Variants in CDK13 observed in about 807,000 individuals in gnomAD.
The protein encoded by CDK13 is cyclin-dependent kinase 13.
A neutral mutation model predicts 137.6 loss-of-function variants in CDK13; 40 were observed. The ratio of observed to expected loss-of-function variants is 0.29; its 90% confidence interval spans 0.23 to 0.38. The LOEUF (loss-of-function observed/expected upper bound fraction) is 0.38, where lower values mean the gene tolerates loss of function less well. Among genes scored for constraint, CDK13 ranks in the 10% least tolerant of loss-of-function variants. The pLI, the probability that CDK13 is intolerant of heterozygous loss-of-function variation, is 1.00. For missense variants in CDK13, 1,704 were observed against 1,951.8 expected (o/e 0.87, Z 2.39); for synonymous variants, 869 against 760.1 (o/e 1.14, Z -2.36).
intron 1 of CDK13, among the ~76,000 whole-genome samples, chr7:39,965,284 C>T (rs1438952483): frequency 2.0e-5 from 3 of 152,120 alleles, no homozygotes; most frequent in Non-Finnish European, 4.4e-5. Flanking sequence ...TAAGGACTTG[C>T]TTTATAAATC....
intron 5 of CDK13, among the ~76,000 whole-genome samples, chr7:40,034,564 A>G (rs1785444809): frequency 6.6e-6 from 1 of 152,186 alleles, no homozygotes; most frequent in Non-Finnish European, 1.5e-5. Flanking sequence ...TTATTGATGG[A>G]CATTCAAGTT....
In CDK13 at chr7:40,088,276, G is replaced by A; in HGVS notation, c.3180G>A (p.Gln1060=). Residue 1060 remains glutamine, a synonymous_variant, in exon 12 of 14, where the codon CAG becomes CAA. Coordinates refer to ENST00000181839, the MANE Select transcript of CDK13 (RefSeq NM_003718.5). ...ATGACAGCAGAACCAACACACCCCA[G>A]GGTGTGCTGCCATCTTCACAGCTGA... The part of the protein sequence containing the change: ...GLDDSRTNTP[Q]GVLPSSQLKS... The A allele has an allele frequency of 6.2e-7, 1 of 1,614,062 alleles. No individual in the cohort carries two copies. Among genetic ancestry groups the A allele is most frequent in the Non-Finnish European group, 8.5e-7 (1 of 1,179,982 alleles).
chr7:40,018,114 A>C (rs1003508390), intron 5 of CDK13, among the ~76,000 whole-genome samples: 1 of 152,120 alleles, frequency 6.6e-6, no homozygotes, highest in South Asian at 2.1e-4. Flanking sequence ...TTTTAGATGG[A>C]TATGAGGTCT....
chr7:40,049,874 G>A (rs559091354), intron 7 of CDK13, among the ~76,000 whole-genome samples: 66 of 152,234 alleles, frequency 4.3e-4, no homozygotes, highest in African/African-American at 1.6e-3. Flanking sequence ...TTAACACAAT[G>A]CGCTTCACGT....
intron 11 of CDK13, among the ~76,000 whole-genome samples, chr7:40,087,436 C>T (rs1311862785): frequency 2.6e-5 from 4 of 152,104 alleles, no homozygotes; most frequent in Non-Finnish European, 4.4e-5. Flanking sequence ...AGCCACTGTG[C>T]CTGGCTGGAA....
At chr7:40,090,611 G>A (rs1394695387) in intron 12 of CDK13, among the ~76,000 whole-genome samples, 1 of 152,124 alleles carries the variant, frequency 6.6e-6, no homozygotes, top group African/African-American at 2.4e-5. Context: ...ATAGCTGGGT[G>A]TGGTGGCTCA....
chr7:39,972,128 A>G (rs995409066), intron 1 of CDK13, among the ~76,000 whole-genome samples: 1 of 152,202 alleles, frequency 6.6e-6, no homozygotes, highest in Non-Finnish European at 1.5e-5. Context: ...ATGAAGACAA[A>G]CACAGAATTT....
intron 1 of CDK13, among the ~76,000 whole-genome samples, chr7:39,972,054 T>C (rs189690547): frequency 3.9e-5 from 6 of 152,340 alleles, no homozygotes; most frequent in African/African-American, 1.4e-4. Flanking sequence ...TCCCTTCTAC[T>C]CTTCTCACCT....
At chr7:40,013,914 C>T (rs763395786) in intron 5 of CDK13, among the ~76,000 whole-genome samples, 6 of 151,996 alleles carry the variant, frequency 3.9e-5, no homozygotes, top group Non-Finnish European at 7.4e-5. Flanking sequence ...AGGTGCTAGA[C>T]GTTTGAATAC....
intron 13 of CDK13, 105 bp from the exon 14 acceptor site, chr7:40,094,025 G>C: frequency 1.5e-6 from 2 of 1,324,784 alleles, no homozygotes; most frequent in African/African-American, 1.5e-5. Flanking sequence ...GCCAGAGATG[G>C]AACTTCTAAT....
At chr7:40,016,152 G>C (rs549690014) in intron 5 of CDK13, among the ~76,000 whole-genome samples, 1 of 152,186 alleles carries the variant, frequency 6.6e-6, no homozygotes, top group Non-Finnish European at 1.5e-5. Flanking sequence ...TACTTGTTAC[G>C]TTGCTGTGCA....
intron 12 of CDK13, 151 bp downstream of exon 12, chr7:40,088,482 T>TA: frequency 3.1e-6 from 2 of 645,882 alleles, no homozygotes; most frequent in South Asian, 4.4e-5. Context: ...GTACAGAAGT[T>TA]TCATTGCTAT....
At chr7:40,014,135 C>T (rs966037821) in intron 5 of CDK13, among the ~76,000 whole-genome samples, 1 of 124,862 alleles carries the variant, frequency 8.0e-6, no homozygotes, top group Non-Finnish European at 1.6e-5. Flanking sequence ...GTGGTGCGGT[C>T]TTGGCTCACT....
intron 5 of CDK13, among the ~76,000 whole-genome samples, chr7:40,018,830 G>A (rs1012377543): frequency 2.0e-5 from 3 of 151,932 alleles, no homozygotes; most frequent in Non-Finnish European, 4.4e-5. Context: ...ATACTTCACC[G>A]CTATACAATT....
intron 7 of CDK13, 27 bp downstream of exon 7, chr7:40,047,904 T>C: frequency 1.4e-6 from 2 of 1,443,180 alleles, no homozygotes; most frequent in South Asian, 1.1e-5. Flanking sequence ...ATGAATATTG[T>C]AGATACTAGA....
chr7:40,015,759 A>T (rs535154942), intron 5 of CDK13, among the ~76,000 whole-genome samples: 63 of 152,214 alleles, frequency 4.1e-4, no homozygotes, highest in Admixed American at 7.2e-4. Context: ...TTAAAAAAAA[A>T]ATTTTTTTCT....
intron 1 of CDK13, among the ~76,000 whole-genome samples, chr7:39,973,863 T>C (rs1398540495): frequency 1.3e-5 from 2 of 152,232 alleles, no homozygotes; most frequent in Non-Finnish European, 2.9e-5. Flanking sequence ...TTGAATTGTC[T>C]TAGCACCCTT....
intron 12 of CDK13, among the ~76,000 whole-genome samples, chr7:40,089,742 G>A (rs1228770170): frequency 7.8e-6 from 1 of 127,582 alleles, no homozygotes; most frequent in Non-Finnish European, 1.7e-5. Flanking sequence ...GTGTGTGTGT[G>A]TGTGTGTGTG....
At chr7:39,956,371 C>G (rs1274780731) in intron 1 of CDK13, among the ~76,000 whole-genome samples, 1 of 152,224 alleles carries the variant, frequency 6.6e-6, no homozygotes, top group African/African-American at 2.4e-5. Flanking sequence ...TACATCTACT[C>G]AGTCCTTATC....
Sources: gnomAD v4.1 joint callset for allele counts (sites outside exome capture counted in the v4.1 genomes callset) on GRCh38, gnomAD v4.1.1 for gene constraint, MANE v1.5 for transcripts, NCBI Gene and HGNC (gene_info 2026-07-23, HGNC 2026-07-21) for gene names.